Variants in KIAA1671 observed in about 807,000 individuals in gnomAD.
The protein encoded by KIAA1671 is uncharacterized protein KIAA1671.
In KIAA1671, 52 loss-of-function variants were observed where a neutral mutation model predicts 131.2. That is an observed-to-expected ratio of 0.40 (90% CI 0.32 to 0.50). The LOEUF is 0.50. KIAA1671 is among the 20% of genes least tolerant of loss of function. The pLI is 0.73. For synonymous variants in KIAA1671, 1,003 were observed against 961.6 expected (o/e 1.04, Z -0.80); for missense variants, 2,360 against 2,364.2 (o/e 1.00, Z 0.04).
At chr22:25,016,024 T>C (rs543507186) in intron 1 of KIAA1671, among the ~76,000 whole-genome samples, 1 of 83,596 alleles carries the variant, frequency 1.2e-5, no homozygotes, top group Non-Finnish European at 2.1e-5. Flanking sequence ...TTCTTTTTTT[T>C]CTTTTTTTTT....
intron 6 of KIAA1671, among the ~76,000 whole-genome samples, chr22:25,107,455 A>G (rs1931071802): frequency 7.3e-6 from 1 of 136,064 alleles, no homozygotes; most frequent in African/African-American, 2.8e-5. Flanking sequence ...AAATGTAGCC[A>G]TCCATCCATG....
intron 6 of KIAA1671, among the ~76,000 whole-genome samples, chr22:25,094,310 G>A (rs536737260): frequency 1.1e-4 from 17 of 152,170 alleles, no homozygotes; most frequent in African/African-American, 3.6e-4. Flanking sequence ...GTTGTGCTGC[G>A]GGTGGTACAT....
intron 6 of KIAA1671, among the ~76,000 whole-genome samples, chr22:25,088,190 C>G (rs1195188998): frequency 2.0e-5 from 3 of 151,874 alleles, no homozygotes; most frequent in Admixed American, 6.6e-5. Flanking sequence ...TCACTGCAAC[C>G]TCTGCCTCTG....
intron 3 of KIAA1671, among the ~76,000 whole-genome samples, chr22:25,031,494 C>T (rs908840633): frequency 2.0e-5 from 3 of 151,970 alleles, no homozygotes; most frequent in Non-Finnish European, 4.4e-5. Flanking sequence ...CCACGCCCGG[C>T]CTAATTTTTG....
chr22:25,039,089 G>A lies in KIAA1671; in HGVS notation c.1959G>A (p.Glu653=). 1.3e-6 allele frequency: 2 copies of A among 1,551,684 alleles called. No homozygotes were observed. Among genetic ancestry groups the A allele is most frequent in the Admixed American group, 3.9e-5 (2 of 51,020 alleles). ...TCTCAGAACCCAGGCCGAGGCCTGA[G>A]ATGGGCTCTTGGCTGGGCAGGGACC... ...ARVSEPRPRP[E]MGSWLGRDPP... Residue 653 remains glutamate, a synonymous_variant, in exon 5 of 13, where the codon GAG becomes GAA. Transcript: ENST00000358431.
intron 5 of KIAA1671, 116 bp from the exon 6 acceptor site, chr22:25,049,114 G>A: frequency 8.0e-7 from 1 of 1,252,824 alleles, no homozygotes; most frequent in Admixed American, 2.7e-5. Context: ...GATTTCTGGG[G>A]GTTTAATTTT....
At chr22:24,968,629 C>T (rs569562136) in intron 1 of KIAA1671, among the ~76,000 whole-genome samples, 1 of 152,184 alleles carries the variant, frequency 6.6e-6, no homozygotes, top group Non-Finnish European at 1.5e-5. Context: ...AGTGTCCGTG[C>T]GATTCTATCT....
intron 6 of KIAA1671, among the ~76,000 whole-genome samples, chr22:25,152,188 C>G (rs1312043372): frequency 6.6e-6 from 1 of 152,190 alleles, no homozygotes; most frequent in Non-Finnish European, 1.5e-5. Flanking sequence ...TCCAGTTTTT[C>G]TGTCTTATAA....
chr22:24,953,635 G>A (rs553482249), intron 1 of KIAA1671, among the ~76,000 whole-genome samples: 137 of 152,142 alleles, frequency 9.0e-4, no homozygotes, highest in Middle Eastern at 3.4e-3. Flanking sequence ...CCTCGGGATG[G>A]GAAGCGGCTC....
At chr22:25,180,452 C>T (rs1001503502) in intron 9 of KIAA1671, among the ~76,000 whole-genome samples, 3 of 151,996 alleles carry the variant, frequency 2.0e-5, no homozygotes, top group South Asian at 2.1e-4. Flanking sequence ...GCAGGAGAAT[C>T]GATTGAACCC....
chr22:25,168,791 T>G (rs1046405032), intron 6 of KIAA1671, among the ~76,000 whole-genome samples: 3 of 152,050 alleles, frequency 2.0e-5, no homozygotes. Flanking sequence ...CAAACAAGGC[T>G]GCAGAGGCCA....
At position 25,174,273 on chromosome 22, in the gene KIAA1671, A is replaced by G. The variant is rs937680115; in HGVS notation, c.4683A>G (p.Thr1561=). ...LATESPDSSA[T]STRKQPPSSR... is the part of the protein sequence containing the mutation. ...CTGAGTCCCCAGATAGCAGTGCCAC[A>G]TCGACAAGGAAACAGCCCCCCAGCA... Residue 1561 remains threonine (T), a synonymous_variant, in exon 8 of 13, where the codon ACA becomes ACG. Transcript: ENST00000358431. 18 of 1,551,576 alleles carry G rather than the reference A, an allele frequency of 1.2e-5. No homozygotes were observed. Among genetic ancestry groups the G allele is most frequent in the Non-Finnish European group, 1.6e-5 (18 of 1,147,002 alleles).
intron 1 of KIAA1671, chr22:25,012,701 AC>A (rs1442064163): frequency 3.3e-5 from 5 of 152,208 alleles, no homozygotes; most frequent in African/African-American, 1.2e-4. Flanking sequence ...TACAATAAAA[AC>A]AATCAGCTGC....
chr22:24,989,772 C>G (rs1485541063), intron 1 of KIAA1671, among the ~76,000 whole-genome samples: 1 of 152,098 alleles, frequency 6.6e-6, no homozygotes, highest in African/African-American at 2.4e-5. Context: ...GCACTATTGT[C>G]TTAGCTGCAA....
At chr22:25,129,069 C>T (rs1363716129) in intron 6 of KIAA1671, among the ~76,000 whole-genome samples, 2 of 151,716 alleles carry the variant, frequency 1.3e-5, no homozygotes, top group Admixed American at 6.6e-5. Context: ...TCCCTGCTGT[C>T]TGTGCTCTGT....
chr22:25,147,241 G>A (rs1485901641), intron 6 of KIAA1671, among the ~76,000 whole-genome samples: 1 of 150,692 alleles, frequency 6.6e-6, no homozygotes, highest in Non-Finnish European at 1.5e-5. Context: ...CACCCTGGCT[G>A]GAGTGCAGTG....
intron 1 of KIAA1671, among the ~76,000 whole-genome samples, chr22:24,989,532 G>T (rs1029189510): frequency 6.6e-6 from 1 of 152,130 alleles, no homozygotes; most frequent in Non-Finnish European, 1.5e-5. Context: ...GGGAGCTAGG[G>T]CTGCATGGTC....
At chr22:25,111,975 C>T (rs957079356) in intron 6 of KIAA1671, 1 of 367,632 alleles carries the variant, frequency 2.7e-6, no homozygotes, top group Non-Finnish European at 4.8e-6. Flanking sequence ...GAGCGGCACC[C>T]GTGGATGCAG....
At chr22:24,992,220 T>C (rs1453481680) in intron 1 of KIAA1671, among the ~76,000 whole-genome samples, 1 of 152,202 alleles carries the variant, frequency 6.6e-6, no homozygotes, top group Non-Finnish European at 1.5e-5. Context: ...CCTAAAGAGC[T>C]GGATTCCTTT....
Sources: allele counts gnomAD v4.1 joint callset (sites outside exome capture counted in the v4.1 genomes callset), GRCh38; gene constraint gnomAD v4.1.1; transcripts MANE v1.5; gene names NCBI Gene and HGNC (gene_info 2026-07-23, HGNC 2026-07-21).